Variants in NNT observed in about 807,000 individuals in gnomAD.
The protein encoded by NNT is nicotinamide nucleotide transhydrogenase, also known as NAD(P) transhydrogenase, mitochondrial.
A neutral mutation model predicts 104.8 loss-of-function variants in NNT; 50 were observed. The observed-to-expected ratio is 0.48, with a 90% CI of 0.38 to 0.60. The LOEUF (loss-of-function observed/expected upper bound fraction) is 0.60, where lower values mean the gene tolerates loss of function less well. Ranked by LOEUF, NNT falls within the 20% of genes least tolerant of loss-of-function variation. The probability of loss-of-function intolerance (pLI) is 0.00; values close to 1 mark genes in which losing one functional copy is unlikely to be tolerated. For missense variants in NNT, 1,131 were observed against 1,330.7 expected, an observed-to-expected ratio of 0.85 and a Z score of 2.33; for synonymous variants, 461 against 490.4, an observed-to-expected ratio of 0.94 and a Z score of 0.79.
intron 1 of NNT, among the ~76,000 whole-genome samples, chr5:43,608,151 G>A (rs543175936): frequency 1.3e-5 from 2 of 152,058 alleles, no homozygotes; most frequent in Admixed American, 1.3e-4. Flanking sequence ...GGCTGGTCTC[G>A]AACTCCTGAC....
intron 12 of NNT, among the ~76,000 whole-genome samples, chr5:43,650,827 C>G (rs1040162862): frequency 2.6e-5 from 4 of 152,192 alleles, no homozygotes; most frequent in Non-Finnish European, 5.9e-5. Flanking sequence ...TACAAGTTAA[C>G]TGGAAAGTTA....
intron 5 of NNT, among the ~76,000 whole-genome samples, chr5:43,623,072 C>T (rs1750180982): frequency 6.6e-6 from 1 of 151,802 alleles, no homozygotes; most frequent in Non-Finnish European, 1.5e-5. Context: ...ATAGACTTAC[C>T]CCTGTCCCCA....
intron 19 of NNT, among the ~76,000 whole-genome samples, chr5:43,683,617 A>G (rs926117946): frequency 1.3e-5 from 2 of 152,256 alleles, no homozygotes; most frequent in African/African-American, 4.8e-5. Flanking sequence ...AGTTCATGTG[A>G]ACAAATAAAT....
At chr5:43,677,638 C>G (rs1215540209) in intron 18 of NNT, 87 bp from the exon 19 acceptor site, 2 of 1,163,276 alleles carry the variant, frequency 1.7e-6, no homozygotes, top group Non-Finnish European at 2.6e-6. Context: ...TTGGCATAAA[C>G]ATGTGTTTTC....
intron 19 of NNT, among the ~76,000 whole-genome samples, chr5:43,690,749 A>G (rs1401856145): frequency 6.6e-6 from 1 of 152,034 alleles, no homozygotes; most frequent in Non-Finnish European, 1.5e-5. Context: ...CCCACTGCCA[A>G]CCGTCCTTTG....
intron 7 of NNT, among the ~76,000 whole-genome samples, chr5:43,635,136 G>A (rs997866712): frequency 6.6e-6 from 1 of 152,138 alleles, no homozygotes; most frequent in Non-Finnish European, 1.5e-5. Flanking sequence ...GTATTAGTTA[G>A]GGTGGTCTAG....
intron 17 of NNT, among the ~76,000 whole-genome samples, chr5:43,669,536 A>C (rs1269110941): frequency 6.6e-6 from 1 of 152,132 alleles, no homozygotes. Flanking sequence ...CTATTGAGAT[A>C]ATCATGTGGT....
intron 3 of NNT, among the ~76,000 whole-genome samples, chr5:43,615,431 G>A (rs1417449512): frequency 6.6e-6 from 1 of 152,202 alleles, no homozygotes; most frequent in Admixed American, 6.5e-5. Flanking sequence ...GCCAAAATTA[G>A]CAAGGACTGA....
chr5:43,668,895 A>G (rs891279954), intron 17 of NNT, among the ~76,000 whole-genome samples: 62 of 152,304 alleles, frequency 4.1e-4, no homozygotes, highest in African/African-American at 1.5e-3. Context: ...CACGATATTG[A>G]TTCTTCCTAT....
chr5:43,624,159 A>AT, intron 6 of NNT, 39 bp downstream of exon 6: 1 of 1,588,824 alleles, frequency 6.3e-7, no homozygotes. Flanking sequence ...AGGTAAAAAC[A>AT]TTTTGTTTCA....
At position 43,678,498 on chromosome 5, in the gene NNT, G is replaced by T. The variant is rs1002491773; in HGVS notation, c.2876+692G>T. On this transcript the variant is annotated intron_variant, in intron 19 of 21. Transcript: ENST00000344920. ...AAATGTGTTATTCCAAATTCTTGGA[G>T]ATTTATTAATGGGGAAATCGGATGT... Among the ~76,000 whole-genome samples, 10 of 152,268 alleles carry T rather than the reference G, an allele frequency of 6.6e-5. No individual in the cohort carries two copies. The East Asian group carries it at 1.7e-3, about 26-fold the overall frequency.
At chr5:43,661,654 T>C (rs745647345) in intron 17 of NNT, among the ~76,000 whole-genome samples, 16 of 145,396 alleles carry the variant, frequency 1.1e-4, no homozygotes, top group Admixed American at 7.8e-4. Context: ...AGTGAGAACA[T>C]TCGGTGTTTG....
At chr5:43,687,176 G>A (rs1174318279) in intron 19 of NNT, among the ~76,000 whole-genome samples, 2 of 152,206 alleles carry the variant, frequency 1.3e-5, no homozygotes, top group East Asian at 1.9e-4. Flanking sequence ...TTATGTTATT[G>A]TATAGTAAGA....
chr5:43,680,602 A>G (rs952678177), intron 19 of NNT, among the ~76,000 whole-genome samples: 1 of 152,232 alleles, frequency 6.6e-6, no homozygotes, highest in Non-Finnish European at 1.5e-5. Flanking sequence ...TCTGTCATAC[A>G]GTCTGTCTGG....
chr5:43,697,553 T>C (rs546075528), intron 19 of NNT, among the ~76,000 whole-genome samples: 1 of 152,298 alleles, frequency 6.6e-6, no homozygotes, highest in East Asian at 1.9e-4. Flanking sequence ...TTACACCCAG[T>C]ACCAATTTAC....
chr5:43,661,483 A>G (rs962466943), intron 17 of NNT, among the ~76,000 whole-genome samples: 8 of 151,606 alleles, frequency 5.3e-5, no homozygotes, highest in Admixed American at 5.2e-4. Context: ...ATATGTATAC[A>G]TGTGCTATGC....
intron 19 of NNT, among the ~76,000 whole-genome samples, chr5:43,693,087 A>G (rs1742374215): frequency 7.1e-6 from 1 of 141,520 alleles, no homozygotes; most frequent in African/African-American, 2.6e-5. Flanking sequence ...TTCTTCTTTT[A>G]TTGTCCCTGA....
At position 43,700,041 on chromosome 5, in the gene NNT, G is replaced by C. The variant is rs866297174; in HGVS notation, c.2877-78G>C. 1.2e-4 allele frequency: 128 copies of C among 1,092,930 alleles called. No homozygotes were observed. In the Middle Eastern group the frequency reaches 4.6e-3, roughly 39 times the overall value. The allele number at this position is 1,092,930 out of a possible 1,614,324, so 67.7% of individuals were successfully genotyped here. ...AGAGGTGCCAAGAACAAAGTGTGCA[G>C]ATTTGGAGGTGATATTGGGGTCTCT... On this transcript the variant is annotated intron_variant, in intron 19 of 21. Coordinates refer to ENST00000344920, the MANE Select transcript of NNT (RefSeq NM_182977.3).
chr5:43,669,762 T>C (rs896145619), intron 17 of NNT, among the ~76,000 whole-genome samples: 153 of 152,076 alleles, frequency 1.0e-3, no homozygotes, highest in Non-Finnish European at 1.7e-3. Flanking sequence ...TGTGTCTCTG[T>C]CAGGCTTTGG....
Sources: gnomAD v4.1 joint callset for allele counts (sites outside exome capture counted in the v4.1 genomes callset) on GRCh38, gnomAD v4.1.1 for gene constraint, MANE v1.5 for transcripts, NCBI Gene and HGNC (gene_info 2026-07-23, HGNC 2026-07-21) for gene names.